Variants in NFILZ observed in about 807,000 individuals in gnomAD.
The protein encoded by NFILZ is NFIL3 like basic leucine zipper.
intron 3 of NFILZ, among the ~76,000 whole-genome samples, chr19:8,638,904 C>T (rs543895049): frequency 1.8e-4 from 26 of 148,202 alleles, no homozygotes; most frequent in Admixed American, 4.1e-4. Context: ...AGTGCAGTGG[C>T]ACAATCTTGG....
chr19:8,662,971 AGCG>A, intron 3 of NFILZ, among the ~76,000 whole-genome samples: 1 of 131,154 alleles, frequency 7.6e-6, no homozygotes, highest in South Asian at 2.8e-4. Context: ...TTTAAGAGAC[AGCG>A]TCTCACTTTG....
chr19:8,644,908 G>A (rs1269343336), intron 3 of NFILZ, among the ~76,000 whole-genome samples: 1 of 151,608 alleles, frequency 6.6e-6, no homozygotes, highest in Non-Finnish European at 1.5e-5. Context: ...TGACATTACA[G>A]GCAAACGCCT....
intron 1 of NFILZ, among the ~76,000 whole-genome samples, chr19:8,631,046 C>T (rs7259379): frequency 0.68 from 103,001 of 152,128 alleles, 35,232 homozygotes; most frequent in East Asian, 0.79. Flanking sequence ...CTTTAATAGA[C>T]ACCTGTGCTT....
intron 3 of NFILZ, among the ~76,000 whole-genome samples, chr19:8,659,807 C>G (rs961888883): frequency 6.6e-6 from 1 of 151,956 alleles, no homozygotes; most frequent in Non-Finnish European, 1.5e-5. Context: ...TTCCAGGAGC[C>G]CATGGTATAT....
At chr19:8,651,007 A>G (rs1555747660) in intron 3 of NFILZ, among the ~76,000 whole-genome samples, 1 of 152,150 alleles carries the variant, frequency 6.6e-6, no homozygotes, top group Admixed American at 6.6e-5. Flanking sequence ...TGGAACCATA[A>G]TAGGTGTACA....
At chr19:8,660,002 G>A (rs1312870083) in intron 3 of NFILZ, among the ~76,000 whole-genome samples, 1 of 152,164 alleles carries the variant, frequency 6.6e-6, no homozygotes, top group African/African-American at 2.4e-5. Flanking sequence ...GGGGCCTCAT[G>A]AGCACCCAGT....
At chr19:8,669,991 C>T (rs2043079422) in intron 3 of NFILZ, among the ~76,000 whole-genome samples, 1 of 152,006 alleles carries the variant, frequency 6.6e-6, no homozygotes, top group African/African-American at 2.4e-5. Flanking sequence ...AGATTCTCCA[C>T]GGATGTTAAG....
chr19:8,657,406 G>C (rs559777884), intron 3 of NFILZ, among the ~76,000 whole-genome samples: 1 of 152,062 alleles, frequency 6.6e-6, no homozygotes, highest in Admixed American at 6.6e-5. Flanking sequence ...CTGGCCTGGC[G>C]ATTGCTTTTG....
chr19:8,651,524 TTCTA>T (rs1480442546), intron 3 of NFILZ, among the ~76,000 whole-genome samples: 10 of 151,064 alleles, frequency 6.6e-5, no homozygotes, highest in South Asian at 6.3e-4. Flanking sequence ...GTATTATTTC[TTCTA>T]TCTAACTTTT....
chr19:8,641,206 C>G (rs1241359768), intron 3 of NFILZ, among the ~76,000 whole-genome samples: 5 of 151,930 alleles, frequency 3.3e-5, no homozygotes, highest in African/African-American at 1.2e-4. Flanking sequence ...TGCACCACCA[C>G]ACCTGACTAA....
intron 3 of NFILZ, among the ~76,000 whole-genome samples, chr19:8,652,948 CTCTT>C (rs1382344125): frequency 1.4e-5 from 2 of 147,508 alleles, no homozygotes; most frequent in East Asian, 2.0e-4. Context: ...CTCTTTCTCT[CTCTT>C]TCTTTCCCTT....
rs2043127707 is a variant in NFILZ at position 8,678,201 on chromosome 19, C to CCACTTGTT, written c.*568_*569insCTTGTTCA. On this transcript the variant is annotated 3_prime_UTR_variant, in exon 6 of 6. Coordinates refer to ENST00000691075, the MANE Select transcript of NFILZ (RefSeq NM_001378600.1). ...TCCATCCATCCATCCGTCCATCTAT[C>CCACTTGTT]CATCCATCCATTCATCCATCCGTCC... is the stretch of plus-strand genomic sequence containing the variant. Among the ~76,000 whole-genome samples, 1 of 121,648 alleles carries CCACTTGTT rather than the reference C, an allele frequency of 8.2e-6. No homozygotes were observed. Among genetic ancestry groups the CCACTTGTT allele is most frequent in the Non-Finnish European group, 1.7e-5 (1 of 57,404 alleles). The allele number at this position is 121,648 out of a possible 152,430, so 79.8% of individuals were successfully genotyped here.
chr19:8,637,612 CA>C (rs35527793), intron 3 of NFILZ, among the ~76,000 whole-genome samples: 93,839 of 142,498 alleles, frequency 0.66, 31,114 homozygotes, highest in South Asian at 0.78. Flanking sequence ...GACTCCATCT[CA>C]AAAAAAAAAA....
Position 8,656,359 on chromosome 19 carries a change from A to C in NFILZ, c.-163-18192A>C, listed in dbSNP as rs112354229. 2.6e-3 allele frequency among the ~76,000 whole-genome samples: 215 copies of C among 83,622 alleles called. 4 individuals carry two copies. The highest frequency in any genetic ancestry group is 6.1e-3 in the Middle Eastern group (1 of 164). The allele number at this position is 83,622 out of a possible 152,430, so 54.9% of individuals were successfully genotyped here. ...CTTCCTGAAGCCCACCTCTTCCCTG[A>C]AGCCCACCTTCTCCCTGAAGCCCAC... On this transcript the variant is annotated intron_variant, in intron 3 of 5. Transcript: ENST00000691075.
At chr19:8,668,482 C>A (rs2043072700) in intron 3 of NFILZ, among the ~76,000 whole-genome samples, 1 of 152,148 alleles carries the variant, frequency 6.6e-6, no homozygotes, top group Non-Finnish European at 1.5e-5. Context: ...CTTCCTTTAT[C>A]TTTCTGAGTC....
intron 3 of NFILZ, among the ~76,000 whole-genome samples, chr19:8,665,766 G>A (rs1019688168): frequency 3.3e-5 from 5 of 152,110 alleles, no homozygotes; most frequent in Admixed American, 6.5e-5. Context: ...TGCCAATTTC[G>A]GCAGGAAAAA....
At chr19:8,640,688 T>C (rs1378156423) in intron 3 of NFILZ, among the ~76,000 whole-genome samples, 1 of 152,118 alleles carries the variant, frequency 6.6e-6, no homozygotes, top group Non-Finnish European at 1.5e-5. Context: ...TCTGGAAAAT[T>C]AGGCAAGCGT....
intron 3 of NFILZ, among the ~76,000 whole-genome samples, chr19:8,660,948 T>C (rs1417290214): frequency 5.5e-5 from 8 of 145,026 alleles, no homozygotes; most frequent in East Asian, 2.2e-4. Context: ...CCTCCTTCCT[T>C]CCTCCCTCCC....
chr19:8,655,625 G>A (rs1364393170), intron 3 of NFILZ, among the ~76,000 whole-genome samples: 1 of 152,162 alleles, frequency 6.6e-6, no homozygotes, highest in African/African-American at 2.4e-5. Flanking sequence ...AGCGTCCAGA[G>A]CAGGTGAGGA....
Sources: gnomAD v4.1 joint callset for allele counts (sites outside exome capture counted in the v4.1 genomes callset) on GRCh38, gnomAD v4.1.1 for gene constraint, MANE v1.5 for transcripts, NCBI Gene and HGNC (gene_info 2026-07-23, HGNC 2026-07-21) for gene names.